ANKRD31: variants seen among roughly 807,000 people sequenced by gnomAD.
ANKRD31 encodes ankyrin repeat domain 31, also known as ankyrin repeat domain-containing protein 31.
ANKRD31 carries 147 observed loss-of-function variants against 186.0 expected under a neutral mutation model. The ratio of observed to expected loss-of-function variants is 0.79; its 90% confidence interval spans 0.69 to 0.91. The LOEUF (loss-of-function observed/expected upper bound fraction) is 0.91, where lower values mean the gene tolerates loss of function less well. Ranked by LOEUF, ANKRD31 falls within the 40% of genes least tolerant of loss-of-function variation. The pLI is 0.00. For synonymous variants in ANKRD31, 673 were observed against 736.4 expected, an observed-to-expected ratio of 0.91 and a Z score of 1.39; for missense variants, 1,986 against 2,148.8, an observed-to-expected ratio of 0.92 and a Z score of 1.50.
In ANKRD31 at chr5:75,144,174, G is replaced by A. The variant is rs965741519; in HGVS notation, c.3425-3C>T. On this transcript the variant is annotated splice_region_variant and splice_polypyrimidine_tract_variant and intron_variant, in intron 14 of 25. Coordinates refer to ENST00000506364, the MANE Select transcript of ANKRD31 (RefSeq NM_001372053.1). Reference sequence around the variant, plus strand: ...GATGTTATTAGTTAATTCCTCATCTGAAACAAACATTTTACAATATCAGTG... The same window carrying A: ...GATGTTATTAGTTAATTCCTCATCTAAAACAAACATTTTACAATATCAGTG... 6.8e-5 allele frequency: 27 copies of A among 396,702 alleles called. No individual in the cohort carries two copies. Among genetic ancestry groups the A allele is most frequent in the Non-Finnish European group, 1.2e-4 (27 of 224,924 alleles). 24.6% of individuals were successfully genotyped at this position (396,702 alleles called of 1,614,324 possible).
chr5:75,091,700 C>T (rs1246213447), intron 22 of ANKRD31, among the ~76,000 whole-genome samples: 3 of 152,158 alleles, frequency 2.0e-5, no homozygotes, highest in East Asian at 1.9e-4. Context: ...CTCTAGATTG[C>T]TGTAGTCAAG....
At chr5:75,208,038 T>C (rs968934197) in intron 4 of ANKRD31, among the ~76,000 whole-genome samples, 7 of 152,134 alleles carry the variant, frequency 4.6e-5, no homozygotes, top group Admixed American at 2.0e-4. Context: ...CATATTAATA[T>C]ATTTTTATGA....
chr5:75,120,318 C>T (rs1324042265), intron 17 of ANKRD31, among the ~76,000 whole-genome samples: 1 of 152,018 alleles, frequency 6.6e-6, no homozygotes, highest in Non-Finnish European at 1.5e-5. Context: ...TTACTTGACC[C>T]TGGGAGGTCA....
At chr5:75,153,995 G>C (rs16872433) in intron 12 of ANKRD31, among the ~76,000 whole-genome samples, 8,284 of 152,114 alleles carry the variant, frequency 0.054, 525 homozygotes, top group African/African-American at 0.15. Context: ...CTGCAGAAAA[G>C]TATTACCTTT....
intron 12 of ANKRD31, among the ~76,000 whole-genome samples, chr5:75,153,754 T>C (rs1751987090): frequency 6.6e-6 from 1 of 152,162 alleles, no homozygotes; most frequent in African/African-American, 2.4e-5. Flanking sequence ...TAATTTTTTA[T>C]TGAAAACTAT....
intron 21 of ANKRD31, among the ~76,000 whole-genome samples, chr5:75,106,386 T>C (rs1296820029): frequency 6.6e-6 from 1 of 152,102 alleles, no homozygotes; most frequent in Non-Finnish European, 1.5e-5. Flanking sequence ...GAGCTGATAC[T>C]AAATTCCCAG....
chr5:75,215,916 T>A (rs1420951507), intron 3 of ANKRD31, among the ~76,000 whole-genome samples: 1 of 152,128 alleles, frequency 6.6e-6, no homozygotes, highest in African/African-American at 2.4e-5. Flanking sequence ...TCAAAAGGTT[T>A]ATTTTCATAG....
chr5:75,110,664 A>G (rs1747703870), intron 20 of ANKRD31, among the ~76,000 whole-genome samples: 2 of 150,958 alleles, frequency 1.3e-5, no homozygotes, highest in Admixed American at 1.3e-4. Flanking sequence ...AGCTGAGATC[A>G]CACCACTGCA....
At chr5:75,192,888 T>G (rs1308620768) in intron 8 of ANKRD31, 112 bp from the exon 9 acceptor site, 1 of 813,118 alleles carries the variant, frequency 1.2e-6, no homozygotes, top group Non-Finnish European at 1.9e-6. Flanking sequence ...TTTACTGAGC[T>G]GTTCTCAAGT....
At chr5:75,188,858 C>A (rs1411222195) in intron 9 of ANKRD31, among the ~76,000 whole-genome samples, 2 of 152,006 alleles carry the variant, frequency 1.3e-5, no homozygotes, top group Admixed American at 1.3e-4. Context: ...GAAAAAGAGA[C>A]AAATGCCACT....
intron 23 of ANKRD31, among the ~76,000 whole-genome samples, chr5:75,085,267 T>G (rs1745394713): frequency 1.3e-5 from 2 of 152,236 alleles, no homozygotes; most frequent in African/African-American, 4.8e-5. Context: ...ATAAGCTCCT[T>G]GAGGACAGGT....
At position 75,104,522 on chromosome 5, in the gene ANKRD31, T is replaced by C; in HGVS notation, c.5037A>G (p.Thr1679=). 1 of 1,537,054 alleles carries C rather than the reference T, an allele frequency of 6.5e-7. No individual in the cohort carries two copies. The highest frequency in any genetic ancestry group is 8.7e-7 in the Non-Finnish European group (1 of 1,146,858). The change falls in exon 22 of 26, where the codon ACA becomes ACG. Residue 1679 remains threonine (T), a synonymous_variant. Coordinates refer to ENST00000506364, the MANE Select transcript of ANKRD31 (RefSeq NM_001372053.1). ...NYDPKRGNRK[T]SSQQSPTGAS... is the part of the protein sequence containing the mutation. ...CCCCTGTAGGTGATTGCTGGGAACT[T>C]GTTTTTCTGTTTCCTCTTTTGGGAT...
intron 3 of ANKRD31, among the ~76,000 whole-genome samples, chr5:75,211,288 AG>A (rs1387635890): frequency 2.0e-5 from 3 of 152,246 alleles, no homozygotes; most frequent in African/African-American, 4.8e-5. Context: ...TTAGTATTCA[AG>A]GTTTATCTAT....
intron 10 of ANKRD31, among the ~76,000 whole-genome samples, chr5:75,186,830 AG>A (rs767375724): frequency 1.3e-5 from 2 of 152,188 alleles, no homozygotes; most frequent in African/African-American, 2.4e-5. Flanking sequence ...CATTTCTCAC[AG>A]GGCAGTGGGC....
At chr5:75,200,479 GTA>G (rs2150260840) in intron 5 of ANKRD31, among the ~76,000 whole-genome samples, 1 of 151,082 alleles carries the variant, frequency 6.6e-6, no homozygotes, top group South Asian at 2.1e-4. Flanking sequence ...TGTATTTTTA[GTA>G]GAGGCAGGGT....
At chr5:75,123,604 G>C (rs1023494387) in intron 17 of ANKRD31, among the ~76,000 whole-genome samples, 4 of 152,010 alleles carry the variant, frequency 2.6e-5, no homozygotes, top group Non-Finnish European at 4.4e-5. Context: ...ATAGATCAAG[G>C]TAAAAGAATA....
intron 3 of ANKRD31, among the ~76,000 whole-genome samples, chr5:75,221,238 C>T (rs1173332428): frequency 6.6e-6 from 1 of 151,768 alleles, no homozygotes; most frequent in South Asian, 2.1e-4. Context: ...ATGCTTAGTA[C>T]CCAGGTGATA....
intron 2 of ANKRD31, chr5:75,225,682 TAA>T (rs1323744418): frequency 6.1e-6 from 1 of 162,616 alleles, no homozygotes; most frequent in Admixed American, 6.4e-5. Flanking sequence ...AAAGAAAACC[TAA>T]GATTCTCACA....
intron 11 of ANKRD31, among the ~76,000 whole-genome samples, chr5:75,154,802 G>A (rs538882229): frequency 2.0e-5 from 3 of 152,216 alleles, no homozygotes; most frequent in African/African-American, 7.2e-5. Flanking sequence ...AGATAATTAT[G>A]TCTTCCGTCT....
Sources: gnomAD v4.1 joint callset for allele counts (sites outside exome capture counted in the v4.1 genomes callset) on GRCh38, gnomAD v4.1.1 for gene constraint, MANE v1.5 for transcripts, NCBI Gene and HGNC (gene_info 2026-07-23, HGNC 2026-07-21) for gene names.